The following HACD4 variants were observed in gnomAD, a reference collection of about 807,000 sequenced individuals.
The protein encoded by HACD4 is 3-hydroxyacyl-CoA dehydratase 4.
A neutral mutation model predicts 33.3 loss-of-function variants in HACD4; 35 were observed. The ratio of observed to expected loss-of-function variants is 1.05; its 90% CI spans 0.80 to 1.39. HACD4 has a LOEUF of 1.39. Ranked by LOEUF, HACD4 falls within the 40% of genes most tolerant of loss-of-function variation. The pLI is 0.00. For synonymous variants in HACD4, 118 were observed against 98.0 expected, an observed-to-expected ratio of 1.20 and a Z score of -1.21; for missense variants, 323 against 276.5, an observed-to-expected ratio of 1.17 and a Z score of -1.19.
intron 5 of HACD4, 56 bp from the exon 6 acceptor site, chr9:21,008,202 G>A: frequency 7.3e-7 from 1 of 1,377,800 alleles, no homozygotes; most frequent in Non-Finnish European, 9.8e-7. Flanking sequence ...TTACAGGGAT[G>A]TGTATATATG....
At chr9:21,026,810 A>G (rs1818074267) in intron 2 of HACD4, 87 bp from the exon 3 acceptor site, 1 of 1,038,280 alleles carries the variant, frequency 9.6e-7, no homozygotes, top group Non-Finnish European at 1.5e-6. Context: ...AGTCAAATGG[A>G]GATTATTCAC....
intron 4 of HACD4, chr9:21,015,439 A>G (rs1025573403): frequency 2.0e-5 from 3 of 153,694 alleles, no homozygotes; most frequent in East Asian, 3.8e-4. Flanking sequence ...TAAGTTAGTC[A>G]TTTGAACCCA....
chr9:21,011,291 T>C (rs1191443191), intron 5 of HACD4, among the ~76,000 whole-genome samples: 1 of 152,222 alleles, frequency 6.6e-6, no homozygotes, highest in Non-Finnish European at 1.5e-5. Context: ...TGTTAACTTC[T>C]TTTTGGTGAA....
At chr9:21,019,330 C>A (rs1384037210) in intron 3 of HACD4, among the ~76,000 whole-genome samples, 5 of 152,162 alleles carry the variant, frequency 3.3e-5, no homozygotes, top group African/African-American at 9.6e-5. Flanking sequence ...ACCTATGTGA[C>A]CTTGCATAAT....
rs1842545058 is a variant in HACD4, at chr9:21,015,937, C to CA, written c.343dup (p.Cys115LeufsTer14). The CA allele has an allele frequency of 6.2e-7, 1 of 1,612,946 alleles. No homozygotes were observed. The highest frequency in any genetic ancestry group is 1.3e-5 in the African/African-American group (1 of 74,870). ...TAGATTCCAAAAGACGAATAAAACA[C>CA]ACACCACATATTTCTCTTGGACTTC... On this transcript the variant is annotated frameshift_variant, in exon 4 of 7. Transcript: ENST00000495827. LOFTEE classifies it high-confidence loss of function.
chr9:21,031,433 A>T, intron 1 of HACD4, 120 bp downstream of exon 1: 1 of 1,334,298 alleles, frequency 7.5e-7, no homozygotes, highest in Non-Finnish European at 9.5e-7. Context: ...TGGGCACGGT[A>T]GCGCTGCGCC....
rs1842199328 is a variant in HACD4 at position 21,003,480 on chromosome 9, A to G, written c.*3557T>C. 1 of 152,118 alleles carries G rather than the reference A, an allele frequency of 6.6e-6. No individual in the cohort carries two copies. Among genetic ancestry groups the G allele is most frequent in the South Asian group, 2.1e-4 (1 of 4,830 alleles). 9.4% of individuals were successfully genotyped at this position (152,118 alleles called of 1,614,324 possible). On this transcript the variant is annotated 3_prime_UTR_variant, in exon 7 of 7. Coordinates refer to ENST00000495827, the MANE Select transcript of HACD4 (RefSeq NM_001010915.5). ...TTTCATAATTTTTCTGAAATTTAGA[A>G]GATAACTATAAAAGCAGAAAAAATG... is the stretch of plus-strand genomic sequence containing the variant.
rs1431284140 is a variant in HACD4, at chr9:21,002,310, C to T, written c.*4727G>A. On this transcript the variant is annotated 3_prime_UTR_variant, in exon 7 of 7. Coordinates refer to ENST00000495827, the MANE Select transcript of HACD4 (RefSeq NM_001010915.5). ...AAGACGTAATGCAGGAAATGAGGGA[C>T]AAAAAAGCTAAGCTATGTAGAAAAC... The T allele has an allele frequency of 6.6e-6, 1 of 151,890 alleles. No individual in the cohort carries two copies. Among genetic ancestry groups the T allele is most frequent in the Non-Finnish European group, 1.5e-5 (1 of 67,938 alleles). The allele number at this position is 151,890 out of a possible 1,614,324, so 9.4% of individuals were successfully genotyped here. A position where few individuals can be genotyped will look rare whatever the true frequency, so the allele number is the denominator to read the frequency against.
intron 3 of HACD4, among the ~76,000 whole-genome samples, chr9:21,025,647 A>C (rs995652677): frequency 5.3e-5 from 8 of 152,174 alleles, no homozygotes; most frequent in Non-Finnish European, 8.8e-5. Context: ...ATTTACAGAA[A>C]ATCTTTATTT....
At chr9:21,012,861 G>A (rs2132774979) in intron 4 of HACD4, among the ~76,000 whole-genome samples, 1 of 152,228 alleles carries the variant, frequency 6.6e-6, no homozygotes, top group South Asian at 2.1e-4. Context: ...GAGGTCAGGG[G>A]TTCAAGACCA....
chr9:21,029,263 TTAAAAA>T (rs752189843), intron 2 of HACD4, 26 bp downstream of exon 2: 4 of 1,259,762 alleles, frequency 3.2e-6, no homozygotes, highest in Admixed American at 3.7e-5. Flanking sequence ...GGATTAAAAG[TTAAAAA>T]TAAAAAAACT....
At chr9:21,030,203 G>A (rs1306287379) in intron 1 of HACD4, among the ~76,000 whole-genome samples, 1 of 151,376 alleles carries the variant, frequency 6.6e-6, no homozygotes, top group Non-Finnish European at 1.5e-5. Flanking sequence ...CACTTTGGGA[G>A]GCCAAGGCGG....
At chr9:21,010,795 GGA>G (rs1034009501) in intron 5 of HACD4, among the ~76,000 whole-genome samples, 1 of 151,984 alleles carries the variant, frequency 6.6e-6, no homozygotes, top group Non-Finnish European at 1.5e-5. Context: ...GGGGGTGATG[GGA>G]GACAGTGAAA....
At chr9:21,021,556 A>T (rs572996307) in intron 3 of HACD4, among the ~76,000 whole-genome samples, 1 of 152,290 alleles carries the variant, frequency 6.6e-6, no homozygotes, top group East Asian at 1.9e-4. Flanking sequence ...TCAATGCGCA[A>T]AACTCACAAG....
Position 21,005,379 on chromosome 9 carries a change from C to A in HACD4, c.*1658G>T, listed in dbSNP as rs560954470. On this transcript the variant is annotated 3_prime_UTR_variant, in exon 7 of 7. Coordinates refer to ENST00000495827, the MANE Select transcript of HACD4 (RefSeq NM_001010915.5). The surrounding 1 kb of genome is among the most constrained non-coding windows in gnomAD (Gnocchi z 4.0). Reference sequence around the variant, plus strand: ...ATAAGAAAACACGTTTGGTAGAGAACACTAAGAGTGTAGCAGACAAGTCAT... The same window carrying A: ...ATAAGAAAACACGTTTGGTAGAGAAAACTAAGAGTGTAGCAGACAAGTCAT... The A allele has an allele frequency of 6.6e-6, 1 of 152,294 alleles. No homozygotes were observed. Among genetic ancestry groups the A allele is most frequent in the East Asian group, 1.9e-4 (1 of 5,182 alleles). The allele number at this position is 152,294 out of a possible 1,614,324, so 9.4% of individuals were successfully genotyped here.
chr9:21,026,052 C>CA (rs1818052692), intron 3 of HACD4, among the ~76,000 whole-genome samples: 2 of 152,176 alleles, frequency 1.3e-5, no homozygotes, highest in African/African-American at 4.8e-5. Context: ...TCTCCTCTTT[C>CA]CATTGACGTT....
intron 1 of HACD4, among the ~76,000 whole-genome samples, chr9:21,030,841 A>G (rs1329106981): frequency 2.0e-5 from 3 of 152,214 alleles, no homozygotes; most frequent in Non-Finnish European, 4.4e-5. Flanking sequence ...ATTGACAGAT[A>G]GATGGTTTGA....
intron 3 of HACD4, among the ~76,000 whole-genome samples, chr9:21,020,496 T>C (rs1338671182): frequency 6.6e-6 from 1 of 152,182 alleles, no homozygotes; most frequent in African/African-American, 2.4e-5. Context: ...AAAATCAACA[T>C]TTCAGGCTTG....
At chr9:21,009,025 G>A (rs1484584112) in intron 5 of HACD4, among the ~76,000 whole-genome samples, 1 of 152,042 alleles carries the variant, frequency 6.6e-6, no homozygotes. Context: ...GCAGTTTAAG[G>A]TTAACACAGG....
Sources: gnomAD v4.1 joint callset for allele counts (sites outside exome capture counted in the v4.1 genomes callset) on GRCh38, gnomAD v4.1.1 for gene constraint, Gnocchi (gnomAD v3.1) non-coding constraint, MANE v1.5 for transcripts, NCBI Gene and HGNC (gene_info 2026-07-23, HGNC 2026-07-21) for gene names.